PABPC4L: variants seen among roughly 807,000 people sequenced by gnomAD.
The protein encoded by PABPC4L is polyadenylate-binding protein 4-like.
For missense variants in PABPC4L, 452 were observed against 451.4 expected, an observed-to-expected ratio of 1.00 and a Z score of -0.01; for synonymous variants, 169 against 164.1, an observed-to-expected ratio of 1.03 and a Z score of -0.23.
the PABPC4L span, among the ~76,000 whole-genome samples, chr4:134,142,019 T>C: frequency 1.3e-5 from 2 of 151,732 alleles, no homozygotes; most frequent in Admixed American, 6.6e-5. Context: ...CAATATGGAT[T>C]GAAAGGTGTA....
At chr4:133,991,578 T>G in the PABPC4L span, among the ~76,000 whole-genome samples, 1 of 152,148 alleles carries the variant, frequency 6.6e-6, no homozygotes, top group African/African-American at 2.4e-5. Context: ...TCTACAAAGG[T>G]AGCTGTTTGT....
the PABPC4L span, among the ~76,000 whole-genome samples, chr4:134,010,354 A>G: frequency 6.6e-6 from 1 of 152,122 alleles, no homozygotes. Flanking sequence ...ATCAATCAGA[A>G]TAGATTAAGC....
At chr4:133,980,633 C>T in the PABPC4L span, among the ~76,000 whole-genome samples, 3 of 151,970 alleles carry the variant, frequency 2.0e-5, no homozygotes, top group South Asian at 2.1e-4. Context: ...TATGAGACAT[C>T]GAAATGCGCC....
At chr4:134,195,680 C>G (rs1392267456), downstream of PABPC4L, among the ~76,000 whole-genome samples, 1 of 151,696 alleles carries the variant, frequency 6.6e-6, no homozygotes, top group Non-Finnish European at 1.5e-5. Context: ...AAATTTCCTT[C>G]TCATTTGGAT....
At chr4:133,997,673 G>A in the PABPC4L span, among the ~76,000 whole-genome samples, 1 of 152,108 alleles carries the variant, frequency 6.6e-6, no homozygotes, top group Non-Finnish European at 1.5e-5. Context: ...TTTGGAAGAA[G>A]TTGATTTCAA....
the PABPC4L span, among the ~76,000 whole-genome samples, chr4:134,077,519 T>G: frequency 6.6e-6 from 1 of 152,132 alleles, no homozygotes; most frequent in Admixed American, 6.5e-5. Context: ...TGGGTTAACA[T>G]CATTGGGTGG....
At chr4:133,985,705 A>G in the PABPC4L span, among the ~76,000 whole-genome samples, 4 of 152,046 alleles carry the variant, frequency 2.6e-5, no homozygotes, top group Admixed American at 6.6e-5. Context: ...TGCTTGAGGC[A>G]GAAGTATTTG....
chr4:134,179,852 T>C, the PABPC4L span, among the ~76,000 whole-genome samples: 1 of 152,046 alleles, frequency 6.6e-6, no homozygotes, highest in Non-Finnish European at 1.5e-5. Context: ...CCTGCACATA[T>C]ACACACCTAA....
chr4:134,192,830 C>A (rs1027124110), downstream of PABPC4L, among the ~76,000 whole-genome samples: 3 of 152,044 alleles, frequency 2.0e-5, no homozygotes, highest in Admixed American at 2.0e-4. Context: ...TCTTTAGAAT[C>A]TGAAGTCAAG....
chr4:134,086,778 G>T, the PABPC4L span, among the ~76,000 whole-genome samples: 1 of 136,102 alleles, frequency 7.3e-6, no homozygotes, highest in African/African-American at 2.8e-5. Flanking sequence ...TTCTTTGTTT[G>T]TTTGTTTTTG....
the PABPC4L span, among the ~76,000 whole-genome samples, chr4:134,095,269 G>A: frequency 1.4e-4 from 21 of 151,656 alleles, no homozygotes; most frequent in African/African-American, 5.1e-4. Flanking sequence ...ACAATTCTCT[G>A]TTATCTTTCA....
chr4:133,964,676 C>A, the PABPC4L span, among the ~76,000 whole-genome samples: 2 of 151,844 alleles, frequency 1.3e-5, no homozygotes, highest in South Asian at 2.1e-4. Flanking sequence ...TGCAAGTCAA[C>A]AAATGTGATA....
chr4:134,084,122 C>T, the PABPC4L span, among the ~76,000 whole-genome samples: 1 of 152,074 alleles, frequency 6.6e-6, no homozygotes, highest in Admixed American at 6.6e-5. Context: ...TATCAGAGCT[C>T]GCTGTAGCCT....
the PABPC4L span, among the ~76,000 whole-genome samples, chr4:134,114,962 G>A: frequency 6.6e-6 from 1 of 151,714 alleles, no homozygotes; most frequent in Non-Finnish European, 1.5e-5. Flanking sequence ...ACCAGAAATT[G>A]AACATTCTTT....
At chr4:133,996,484 G>C in the PABPC4L span, among the ~76,000 whole-genome samples, 2 of 152,152 alleles carry the variant, frequency 1.3e-5, no homozygotes, top group African/African-American at 2.4e-5. Context: ...TGTTGCTGTT[G>C]AGCTGATAAC....
chr4:134,014,023 T>C, the PABPC4L span, among the ~76,000 whole-genome samples: 1 of 152,134 alleles, frequency 6.6e-6, no homozygotes, highest in South Asian at 2.1e-4. Context: ...TGCTCCTTTT[T>C]CTTTATCTCA....
the PABPC4L span, among the ~76,000 whole-genome samples, chr4:133,996,791 C>T: frequency 6.6e-6 from 1 of 152,130 alleles, no homozygotes; most frequent in Non-Finnish European, 1.5e-5. Flanking sequence ...CAGCTACCCC[C>T]ATAAGTACAG....
At chr4:133,952,265 G>T in the PABPC4L span, among the ~76,000 whole-genome samples, 1 of 152,076 alleles carries the variant, frequency 6.6e-6, no homozygotes, top group Non-Finnish European at 1.5e-5. Context: ...CTTTCTCCCA[G>T]TTATGAGATT....
chr4:134,023,065 C>T, the PABPC4L span, among the ~76,000 whole-genome samples: 1 of 151,968 alleles, frequency 6.6e-6, no homozygotes, highest in Non-Finnish European at 1.5e-5. Flanking sequence ...TGCAACAATG[C>T]CCAACACTGT....
Sources: gnomAD v4.1 joint callset for allele counts (sites outside exome capture counted in the v4.1 genomes callset) on GRCh38, gnomAD v4.1.1 for gene constraint, MANE v1.5 for transcripts, NCBI Gene and HGNC (gene_info 2026-07-23, HGNC 2026-07-21) for gene names.